The following SMYD3 variants were observed in gnomAD, a reference collection of about 807,000 sequenced individuals.
SMYD3 encodes the protein histone-lysine N-methyltransferase SMYD3.
A neutral mutation model predicts 57.7 loss-of-function variants in SMYD3; 36 were observed. That is an observed-to-expected ratio of 0.62 (90% CI 0.48 to 0.82). The LOEUF (loss-of-function observed/expected upper bound fraction) is 0.82. Among genes scored for constraint, SMYD3 ranks in the 40% least tolerant of loss-of-function variants. The pLI is 0.00. For synonymous variants in SMYD3, 211 were observed against 195.0 expected (o/e 1.08, Z -0.68); for missense variants, 515 against 538.8 (o/e 0.96, Z 0.44).
intron 1 of SMYD3, among the ~76,000 whole-genome samples, chr1:246,479,355 A>G (rs1304578802): frequency 6.6e-6 from 1 of 152,206 alleles, no homozygotes; most frequent in African/African-American, 2.4e-5. Flanking sequence ...TAACTGCCAA[A>G]TGAGTATAAA....
intron 3 of SMYD3, among the ~76,000 whole-genome samples, chr1:246,334,034 A>G (rs1403673086): frequency 2.0e-5 from 3 of 151,732 alleles, no homozygotes; most frequent in Non-Finnish European, 4.4e-5. Context: ...ACACCATCTC[A>G]TAACAGTCAG....
intron 5 of SMYD3, among the ~76,000 whole-genome samples, chr1:246,214,901 A>G (rs1049784972): frequency 2.0e-5 from 3 of 152,170 alleles, no homozygotes; most frequent in African/African-American, 4.8e-5. Flanking sequence ...TATAAAACTT[A>G]TATATATGCT....
At chr1:245,898,337 G>A (rs1048407057) in intron 8 of SMYD3, among the ~76,000 whole-genome samples, 5 of 152,176 alleles carry the variant, frequency 3.3e-5, no homozygotes, top group Non-Finnish European at 7.3e-5. Context: ...TTGTGAATGT[G>A]TGCGTGTAAG....
intron 5 of SMYD3, among the ~76,000 whole-genome samples, chr1:246,230,049 A>G (rs2063387941): frequency 6.6e-6 from 1 of 152,176 alleles, no homozygotes. Context: ...ATCCAAACAC[A>G]TGACAACGTT....
At chr1:246,337,301 A>G (rs549121564) in intron 2 of SMYD3, among the ~76,000 whole-genome samples, 130 of 152,336 alleles carry the variant, frequency 8.5e-4, no homozygotes, top group African/African-American at 3.1e-3. Context: ...TGCACTAAAG[A>G]AATGTGTATA....
At chr1:245,949,496 C>T (rs954203306) in intron 5 of SMYD3, among the ~76,000 whole-genome samples, 11 of 152,184 alleles carry the variant, frequency 7.2e-5, no homozygotes, top group African/African-American at 2.7e-4. Context: ...CTACCGTGCG[C>T]ACCCAGAACC....
chr1:246,291,352 C>T (rs1345018383), intron 5 of SMYD3, among the ~76,000 whole-genome samples: 1 of 152,220 alleles, frequency 6.6e-6, no homozygotes, highest in Non-Finnish European at 1.5e-5. Context: ...TAATTTGCTG[C>T]TGGCTTTTAG....
intron 2 of SMYD3, among the ~76,000 whole-genome samples, chr1:246,350,605 T>C (rs1196238913): frequency 2.0e-5 from 3 of 152,132 alleles, no homozygotes; most frequent in South Asian, 4.2e-4. Context: ...GTGAAACTGT[T>C]CACTGAGGCT....
intron 1 of SMYD3, among the ~76,000 whole-genome samples, chr1:246,470,499 TAAAAAA>T (rs141239913): frequency 0.44 from 56,299 of 128,916 alleles, 12,414 homozygotes; most frequent in East Asian, 0.66. Context: ...TGTCTAAAAA[TAAAAAA>T]AAATTAAAAA....
intron 5 of SMYD3, among the ~76,000 whole-genome samples, chr1:246,008,291 C>T (rs191354005): frequency 2.2e-5 from 3 of 135,558 alleles, no homozygotes; most frequent in East Asian, 1.9e-4. Flanking sequence ...ACGCACAGAG[C>T]GGTGTTGGAG....
chr1:246,057,827 C>G (rs1218671140), intron 5 of SMYD3, among the ~76,000 whole-genome samples: 2 of 152,202 alleles, frequency 1.3e-5, no homozygotes, highest in African/African-American at 4.8e-5. Flanking sequence ...TTATTCATAA[C>G]TCCCCAAACT....
At chr1:246,155,981 T>C (rs1248684196) in intron 5 of SMYD3, among the ~76,000 whole-genome samples, 2 of 150,972 alleles carry the variant, frequency 1.3e-5, no homozygotes, top group Non-Finnish European at 2.9e-5. Context: ...AGCGAGACTA[T>C]GTCTTCAAAA....
chr1:246,135,405 C>G (rs1028914562), intron 5 of SMYD3, among the ~76,000 whole-genome samples: 2 of 152,072 alleles, frequency 1.3e-5, no homozygotes, highest in African/African-American at 2.4e-5. Flanking sequence ...TAAGTATGTT[C>G]TAAAATGACA....
At chr1:246,088,940 A>C (rs1414319553) in intron 5 of SMYD3, among the ~76,000 whole-genome samples, 1 of 152,130 alleles carries the variant, frequency 6.6e-6, no homozygotes, top group Non-Finnish European at 1.5e-5. Flanking sequence ...CTTTGAATTC[A>C]TTGATTATTG....
At position 245,893,577 on chromosome 1, in the gene SMYD3, G is replaced by A. The variant is rs77522029; in HGVS notation, c.813+21953C>T. On this transcript the variant is annotated intron_variant, in intron 8 of 11. Coordinates refer to ENST00000490107, the MANE Select transcript of SMYD3 (RefSeq NM_001167740.2). ...TTATAAATGTGTGTACAAATAACAT[G>A]GCTAAGCAAAAGAAGCCAAATGAAA... Among the ~76,000 whole-genome samples the A allele has an allele frequency of 7.0e-3, 1,059 of 152,272 alleles. 11 individuals carry two copies. The highest frequency in any genetic ancestry group is 0.047 in the East Asian group (246 of 5,186).
Position 245,940,140 on chromosome 1 carries a change from G to A in SMYD3, c.532-10203C>T, listed in dbSNP as rs182717934. Among the ~76,000 whole-genome samples the A allele has an allele frequency of 7.2e-5, 11 of 152,242 alleles. No individual in the cohort carries two copies. The East Asian group carries it at 2.1e-3, about 29-fold the overall frequency. On this transcript the variant is annotated intron_variant, in intron 5 of 11. Transcript: ENST00000490107. Reference sequence around the variant, plus strand: ...TACGGACAGAACTCTGATCTCCCCGGGACACAGCACTGGGGGGAGGGGCAG... The same window carrying A: ...TACGGACAGAACTCTGATCTCCCCGAGACACAGCACTGGGGGGAGGGGCAG...
intron 5 of SMYD3, among the ~76,000 whole-genome samples, chr1:246,260,811 A>G (rs2063993299): frequency 6.6e-6 from 1 of 152,092 alleles, no homozygotes; most frequent in Non-Finnish European, 1.5e-5. Context: ...GAGGCATGCT[A>G]CAAGCCTCTT....
chr1:246,385,323 T>TAAGTATACTTAGGATATACCCATTA (rs1558437225), intron 1 of SMYD3, among the ~76,000 whole-genome samples: 6 of 152,038 alleles, frequency 3.9e-5, no homozygotes, highest in African/African-American at 1.4e-4. Context: ...TATGCCCATT[T>TAAGTATACTTAGGATATACCCATTA]CCTAAGTATA....
chr1:245,816,515 T>C (rs1260885930), intron 10 of SMYD3, among the ~76,000 whole-genome samples: 1 of 69,218 alleles, frequency 1.4e-5, no homozygotes, highest in Non-Finnish European at 2.9e-5. Context: ...CCTTCATCTA[T>C]GTAAAAAAAA....
Sources: allele counts gnomAD v4.1 joint callset (sites outside exome capture counted in the v4.1 genomes callset), GRCh38; gene constraint gnomAD v4.1.1; transcripts MANE v1.5; gene names NCBI Gene and HGNC (gene_info 2026-07-23, HGNC 2026-07-21).